THOC6: variants seen among roughly 807,000 people sequenced by gnomAD.
THOC6 encodes THO complex 6.
In THOC6, 39 loss-of-function variants were observed where a neutral mutation model predicts 55.8. The observed-to-expected ratio is 0.70, with a 90% confidence interval of 0.54 to 0.91. THOC6 has a LOEUF of 0.91. THOC6 is among the 40% of genes least tolerant of loss of function. THOC6 has a pLI of 0.00. For synonymous variants in THOC6, 192 were observed against 175.6 expected (o/e 1.09, Z -0.74); for missense variants, 482 against 442.0 (o/e 1.09, Z -0.81).
At position 3,024,285 on chromosome 16, in the gene THOC6, T is replaced by G; in HGVS notation, c.-42T>G. On this transcript the variant is annotated 5_prime_UTR_variant, in exon 1 of 13. Coordinates refer to ENST00000326266, the MANE Select transcript of THOC6 (RefSeq NM_024339.5). ...TCTAGGCACGTAAGGCCTCGTGAGG[T>G]TGCGTCGCGCGCGGAGCACTCTGGG... is the stretch of plus-strand genomic sequence containing the variant. 1 of 1,612,688 alleles carries G rather than the reference T, an allele frequency of 6.2e-7. No homozygotes were observed. The highest frequency in any genetic ancestry group is 8.5e-7 in the Non-Finnish European group (1 of 1,179,516).
chr16:3,025,392 A>G (rs2072760722), intron 1 of THOC6, among the ~76,000 whole-genome samples: 1 of 152,168 alleles, frequency 6.6e-6, no homozygotes, highest in Non-Finnish European at 1.5e-5. Context: ...GCTCTTGTCT[A>G]TACACTAGCT....
Position 3,027,642 on chromosome 16 carries a change from C to T in THOC6, c.1011C>T (p.Phe337=). ...DVFTNLGYRA[F]SLSF ...TCACCAACCTGGGTTACCGAGCCTT[C>T]TCCCTGTCCTTCTGATCTCTGACGA... is the stretch of plus-strand genomic sequence containing the variant. The change falls in exon 13 of 13, where the codon TTC becomes TTT. Residue 337 remains phenylalanine (F), a synonymous_variant. Coordinates refer to ENST00000326266, the MANE Select transcript of THOC6 (RefSeq NM_024339.5). The T allele has an allele frequency of 6.2e-7, 1 of 1,614,098 alleles. No homozygotes were observed. The highest frequency in any genetic ancestry group is 8.5e-7 in the Non-Finnish European group (1 of 1,179,982).
At position 3,026,916 on chromosome 16, in the gene THOC6, G is replaced by A; in HGVS notation, c.636G>A (p.Glu212=). Residue 212 remains glutamate (E), a splice_region_variant and synonymous_variant, in exon 9 of 13, where the codon GAG becomes GAA. Coordinates refer to ENST00000326266, the MANE Select transcript of THOC6 (RefSeq NM_024339.5). ...EVQTIEVYKH[E]ECSRPHNGRW... Reference sequence around the variant, plus strand: ...AGACGATCGAGGTCTATAAGCACGAGGTGAGGGTGTGACCGTGGCCATTGT... The same window carrying A: ...AGACGATCGAGGTCTATAAGCACGAAGTGAGGGTGTGACCGTGGCCATTGT... The A allele has an allele frequency of 3.1e-6, 5 of 1,614,192 alleles. No individual in the cohort carries two copies. The highest frequency in any genetic ancestry group is 4.2e-6 in the Non-Finnish European group (5 of 1,180,026).
At position 3,027,565 on chromosome 16, in the gene THOC6, T is replaced by C; in HGVS notation, c.946-12T>C. ...GGTGTGGGCAGGCCAGTCATGCCCC[T>C]CTTTCCTCCAGGTCCTGACAGCTGC... is the stretch of plus-strand genomic sequence containing the variant. On this transcript the variant is annotated splice_polypyrimidine_tract_variant and intron_variant, in intron 12 of 12. Coordinates refer to ENST00000326266, the MANE Select transcript of THOC6 (RefSeq NM_024339.5). 6 of 1,613,620 alleles carry C rather than the reference T, an allele frequency of 3.7e-6. No homozygotes were observed. Among genetic ancestry groups the C allele is most frequent in the Non-Finnish European group, 4.2e-6 (5 of 1,179,848 alleles).
chr16:3,024,277 T>A lies in THOC6; in HGVS notation c.-50T>A. The A allele has an allele frequency of 6.2e-7, 1 of 1,613,530 alleles. No homozygotes were observed. Among genetic ancestry groups the A allele is most frequent in the Non-Finnish European group, 8.5e-7 (1 of 1,179,610 alleles). ...GGAACCGCTCTAGGCACGTAAGGCC[T>A]CGTGAGGTTGCGTCGCGCGCGGAGC... On this transcript the variant is annotated 5_prime_UTR_variant, in exon 1 of 13. Transcript: ENST00000326266.
rs1227044293 is a variant in THOC6 at position 3,025,905 on chromosome 16, C to T, written c.156-19C>T. ...TGCCCCCGTTTCTGACTCCTGGGTC[C>T]CCTCCGCTGTCCCTGCAGCTTGTCC... On this transcript the variant is annotated intron_variant, in intron 2 of 12. Coordinates refer to ENST00000326266, the MANE Select transcript of THOC6 (RefSeq NM_024339.5). 1 of 1,614,222 alleles carries T rather than the reference C, an allele frequency of 6.2e-7. No individual in the cohort carries two copies. Among genetic ancestry groups the T allele is most frequent in the Non-Finnish European group, 8.5e-7 (1 of 1,180,042 alleles).
At position 3,026,047 on chromosome 16, in the gene THOC6, C is replaced by G; in HGVS notation, c.221-16C>G. On this transcript the variant is annotated splice_polypyrimidine_tract_variant and intron_variant, in intron 3 of 12. Coordinates refer to ENST00000326266, the MANE Select transcript of THOC6 (RefSeq NM_024339.5). The stretch of plus-strand genomic sequence containing the variant: ...TTGGGTGGGATTGGCTCACTCAGTT[C>G]TGCATTTCTCTTTAGCCCATGATGG... The G allele has an allele frequency of 6.2e-7, 1 of 1,613,696 alleles. No homozygotes were observed. The highest frequency in any genetic ancestry group is 8.5e-7 in the Non-Finnish European group (1 of 1,179,650).
chr16:3,027,442 C>T lies in THOC6; in HGVS notation c.887C>T (p.Ser296Phe), dbSNP rs1252489658. 6.2e-7 allele frequency: 1 copy of T among 1,611,710 alleles called. No individual in the cohort carries two copies. The highest frequency in any genetic ancestry group is 1.1e-5 in the South Asian group (1 of 90,996). Residue 296 changes from serine (S) to phenylalanine (F), a missense_variant, in exon 12 of 13, where the codon TCC (serine) becomes TTC (phenylalanine). Ser to Phe is a radical substitution (Grantham distance 155). Coordinates refer to ENST00000326266, the MANE Select transcript of THOC6 (RefSeq NM_024339.5). ...SGELKAQVPG[S>F]SPGLLSLSLN... ...GAGCTGAAGGCCCAGGTGCCTGGCT[C>T]CTCCCCAGGGCTGCTCAGCCTCAGC...
intron 1 of THOC6, among the ~76,000 whole-genome samples, chr16:3,024,821 G>A (rs774966564): frequency 1.3e-5 from 2 of 151,398 alleles, no homozygotes; most frequent in African/African-American, 4.9e-5. Context: ...TTTTAGTAGA[G>A]ACAGGGTTTC....
chr16:3,026,489 T>G (rs1161745046), intron 6 of THOC6, 27 bp from the exon 7 acceptor site: 1 of 1,614,108 alleles, frequency 6.2e-7, no homozygotes, highest in Admixed American at 1.7e-5. Flanking sequence ...TGACATTGAC[T>G]TTCTGCCTCA....
rs1381420982 is a variant in THOC6, at chr16:3,026,517, A to G, written c.413A>G (p.Glu138Gly). 5.6e-6 allele frequency: 9 copies of G among 1,614,136 alleles called. No homozygotes were observed. Among genetic ancestry groups the G allele is most frequent in the Non-Finnish European group, 5.9e-6 (7 of 1,180,004 alleles). ...EINALLLVPK[E>G]NSLILAGGDC... ...CTGCCTCATCCTGCTCCTCCACAGG[A>G]GAATTCCCTCATCCTGGCTGGGGGA... Residue 138 changes from glutamate to glycine, a missense_variant and splice_region_variant, in exon 7 of 13, where the codon GAG becomes GGG. By Grantham distance (98) the Glu-to-Gly change is moderately conservative (BLOSUM62 -2). Coordinates refer to ENST00000326266, the MANE Select transcript of THOC6 (RefSeq NM_024339.5).
In THOC6 at chr16:3,024,169, C is replaced by T. The variant is rs2072715995; in HGVS notation, c.-158C>T. 1.1e-6 allele frequency: 1 copy of T among 879,582 alleles called. No individual in the cohort carries two copies. The highest frequency in any genetic ancestry group is 1.8e-6 in the Non-Finnish European group (1 of 564,912). 54.5% of individuals were successfully genotyped at this position (879,582 alleles called of 1,614,324 possible). On this transcript the variant is annotated 5_prime_UTR_variant, in exon 1 of 13. Transcript: ENST00000326266. ...ACCACTTCTTAATGTCGGGGGTCTT[C>T]GCGGCGCTCACCTCGGCTCCTAGGG...
In THOC6 at chr16:3,027,709, CTTTTT is replaced by C. The variant is rs56382043; in HGVS notation, c.*65_*69del. On this transcript the variant is annotated 3_prime_UTR_variant, in exon 13 of 13. Transcript: ENST00000326266. ...AGGGTTTTAGAGTGTTTTTCATTTT[CTTTTT>C]TTTTTTTTTTTTACAATAAAGTTTC... 552 of 1,348,906 alleles carry C rather than the reference CTTTTT, an allele frequency of 4.1e-4. No homozygotes were observed. The highest frequency in any genetic ancestry group is 7.4e-4 in the Admixed American group (29 of 39,400). 83.6% of individuals were successfully genotyped at this position (1,348,906 alleles called of 1,614,324 possible). A position where few individuals can be genotyped will look rare whatever the true frequency, so the allele number is the denominator to read the frequency against.
At chr16:3,024,934 CA>C (rs1325433931) in intron 1 of THOC6, among the ~76,000 whole-genome samples, 1 of 137,758 alleles carries the variant, frequency 7.3e-6, no homozygotes, top group Non-Finnish European at 1.5e-5. Context: ...CACGCCCGGC[CA>C]AATTTTTTTT....
At chr16:3,024,605 T>A (rs970431164) in intron 1 of THOC6, among the ~76,000 whole-genome samples, 2 of 151,288 alleles carry the variant, frequency 1.3e-5, no homozygotes, top group East Asian at 1.9e-4. Context: ...GTACTTTTTT[T>A]TTTTTTTTAA....
chr16:3,026,216 G>A, intron 4 of THOC6, 35 bp from the exon 5 acceptor site: 1 of 1,614,142 alleles, frequency 6.2e-7, no homozygotes, highest in Non-Finnish European at 8.5e-7. Context: ...CCCAGAGAGA[G>A]CCTTTGAGGT....
At position 3,027,222 on chromosome 16, in the gene THOC6, C is replaced by T; in HGVS notation, c.752C>T (p.Pro251Leu). 6.2e-7 allele frequency: 1 copy of T among 1,614,158 alleles called. No homozygotes were observed. The highest frequency in any genetic ancestry group is 8.5e-7 in the Non-Finnish European group (1 of 1,180,042). Residue 251 changes from proline (P) to leucine (L), a missense_variant, in exon 11 of 13, where the codon CCC (proline) becomes CTC (leucine). Pro to Leu is a moderately conservative substitution (Grantham distance 98). Transcript: ENST00000326266. The part of the protein sequence containing the change: ...LTLWHLRSST[P>L]TTIFPIRAPQ... ...CTCTGGCACCTCCGATCCTCCACACCCACCACCATCTTCCCCATCCGGGCG... is the reference window on the plus strand; with the variant it reads ...CTCTGGCACCTCCGATCCTCCACACTCACCACCATCTTCCCCATCCGGGCG...
Position 3,027,178 on chromosome 16 carries a change from A to T in THOC6, c.708A>T (p.Gly236=). The T allele has an allele frequency of 6.2e-7, 1 of 1,614,044 alleles. No individual in the cohort carries two copies. The highest frequency in any genetic ancestry group is 1.1e-5 in the South Asian group (1 of 91,078). Residue 236 remains glycine, a synonymous_variant, in exon 11 of 13, where the codon GGA becomes GGT. Coordinates refer to ENST00000326266, the MANE Select transcript of THOC6 (RefSeq NM_024339.5). ...CCCACCTTTCTGTCCAGGTCTGTGGAGGGGGCCCAGCCCTCACCCTCTGGC... is the reference window on the plus strand; with the variant it reads ...CCCACCTTTCTGTCCAGGTCTGTGGTGGGGGCCCAGCCCTCACCCTCTGGC... The part of the protein sequence containing the change: ...LATDSDWMVC[G]GGPALTLWHL...
Position 3,025,941 on chromosome 16 carries a change from G to A in THOC6, c.173G>A (p.Ser58Asn), listed in dbSNP as rs770686325. The A allele has an allele frequency of 6.2e-7, 1 of 1,614,196 alleles. No homozygotes were observed. Residue 58 changes from serine (S) to asparagine (N), a missense_variant, in exon 3 of 13, where the codon AGC becomes AAC. Coordinates refer to ENST00000326266, the MANE Select transcript of THOC6 (RefSeq NM_024339.5). ...IAIFSLSSAL[S>N]SEAKEESKKP... Reference sequence around the variant, plus strand: ...CCCTGCAGCTTGTCCTCTGCTTTGAGCTCAGAAGCCAAAGAGGAAAGTAAG... The same window carrying A: ...CCCTGCAGCTTGTCCTCTGCTTTGAACTCAGAAGCCAAAGAGGAAAGTAAG...
Sources: gnomAD v4.1 joint callset for allele counts (sites outside exome capture counted in the v4.1 genomes callset) on GRCh38, gnomAD v4.1.1 for gene constraint, MANE v1.5 for transcripts, NCBI Gene and HGNC (gene_info 2026-07-23, HGNC 2026-07-21) for gene names.